Variants in ZCWPW2 observed in about 807,000 individuals in gnomAD.
The protein encoded by ZCWPW2 is zinc finger CW-type and PWWP domain containing 2, also known as zinc finger CW-type PWWP domain protein 2.
In ZCWPW2, 45 loss-of-function variants were observed where a neutral mutation model predicts 46.6. That is an observed-to-expected ratio of 0.96 (90% CI 0.76 to 1.24). The LOEUF is 1.24. Among genes scored for constraint, ZCWPW2 ranks in the 50% most tolerant of loss-of-function variants. The pLI is 0.00. For synonymous variants in ZCWPW2, 152 were observed against 137.1 expected (o/e 1.11, Z -0.76); for missense variants, 429 against 403.9 (o/e 1.06, Z -0.53).
At chr3:28,383,490 A>G (rs959917476) in intron 1 of ZCWPW2, among the ~76,000 whole-genome samples, 11 of 152,086 alleles carry the variant, frequency 7.2e-5, no homozygotes, top group African/African-American at 1.4e-4. Flanking sequence ...TATGGATTCA[A>G]TTAGCCTTTA....
intron 9 of ZCWPW2, among the ~76,000 whole-genome samples, chr3:28,522,444 G>C (rs911519196): frequency 6.6e-6 from 1 of 152,150 alleles, no homozygotes; most frequent in Non-Finnish European, 1.5e-5. Context: ...CTCGAAGTCT[G>C]TCTGTTCCTA....
chr3:28,389,397 T>C (rs1251150557), intron 1 of ZCWPW2, among the ~76,000 whole-genome samples: 3 of 152,152 alleles, frequency 2.0e-5, no homozygotes, highest in Non-Finnish European at 4.4e-5. Context: ...TTATACTCAT[T>C]AGTTTGACAA....
rs866440855 is a variant in ZCWPW2 at position 28,410,603 on chromosome 3, C to T, written c.-13-2453C>T. Among the ~76,000 whole-genome samples the T allele has an allele frequency of 9.9e-5, 15 of 151,526 alleles. 1 individual carries two copies. In the Middle Eastern group the frequency reaches 0.017, roughly 175 times the overall value. On this transcript the variant is annotated intron_variant, in intron 2 of 9. Transcript: ENST00000383768. ...TCTGAATTTTTTAAATTAAGTAACT[C>T]GGGTAAAAGATGAATAGAAACCTTG...
Position 28,431,177 on chromosome 3 carries a change from A to G in ZCWPW2, c.333-3933A>G, listed in dbSNP as rs182856426. 2.0e-5 allele frequency among the ~76,000 whole-genome samples: 3 copies of G among 152,186 alleles called. No homozygotes were observed. The East Asian group carries it at 5.8e-4, about 29-fold the overall frequency. On this transcript the variant is annotated intron_variant, in intron 3 of 9. Transcript: ENST00000383768. ...CTTTCTTTAGATTTTAAAATTATCTAAACAATTTAGTTTACAAATAGTTAC... is the reference window on the plus strand; with the variant it reads ...CTTTCTTTAGATTTTAAAATTATCTGAACAATTTAGTTTACAAATAGTTAC...
At chr3:28,385,972 G>T (rs1695258350) in intron 1 of ZCWPW2, among the ~76,000 whole-genome samples, 1 of 148,328 alleles carries the variant, frequency 6.7e-6, no homozygotes. Flanking sequence ...GTATCCTTTA[G>T]CAACTTTAAA....
chr3:28,437,572 C>T (rs960809077), intron 4 of ZCWPW2, among the ~76,000 whole-genome samples: 3 of 152,020 alleles, frequency 2.0e-5, no homozygotes, highest in Admixed American at 6.5e-5. Flanking sequence ...AGACCTCTGA[C>T]TTAATTAATT....
intron 2 of ZCWPW2, among the ~76,000 whole-genome samples, chr3:28,392,491 A>G (rs765882804): frequency 6.6e-6 from 1 of 152,180 alleles, no homozygotes; most frequent in Admixed American, 6.5e-5. Context: ...AGAACATTCT[A>G]TCCAACAGTA....
intron 8 of ZCWPW2, among the ~76,000 whole-genome samples, 192 bp downstream of exon 8, chr3:28,515,813 A>G (rs77883278): frequency 0.027 from 4,169 of 152,050 alleles, 184 homozygotes; most frequent in African/African-American, 0.093. Context: ...GTGTGTATAT[A>G]TACACATATA....
intron 1 of ZCWPW2, among the ~76,000 whole-genome samples, chr3:28,358,877 C>A (rs759818898): frequency 7.2e-5 from 11 of 151,870 alleles, no homozygotes; most frequent in Non-Finnish European, 1.5e-4. Context: ...TTCAAATTTT[C>A]TGTTTGAAAA....
chr3:28,487,346 T>C (rs1327011104), intron 5 of ZCWPW2, among the ~76,000 whole-genome samples: 2 of 152,162 alleles, frequency 1.3e-5, no homozygotes, highest in Admixed American at 6.5e-5. Flanking sequence ...TTTATTGATA[T>C]ATCCTGAAGC....
intron 4 of ZCWPW2, among the ~76,000 whole-genome samples, chr3:28,440,531 C>A (rs568862110): frequency 2.0e-4 from 30 of 152,286 alleles, no homozygotes; most frequent in Admixed American, 1.8e-3. Flanking sequence ...ATGCAGCCTT[C>A]TGGAGAACTT....
At chr3:28,516,730 G>C (rs1442393634) in intron 8 of ZCWPW2, among the ~76,000 whole-genome samples, 8 of 152,114 alleles carry the variant, frequency 5.3e-5, no homozygotes. Context: ...AGGAAAGCCA[G>C]GTGCAGTGGC....
At chr3:28,508,610 C>T (rs750475975) in intron 6 of ZCWPW2, among the ~76,000 whole-genome samples, 9 of 152,090 alleles carry the variant, frequency 5.9e-5, no homozygotes, top group Non-Finnish European at 7.4e-5. Flanking sequence ...CTACACCTCC[C>T]GGGTTCAAGC....
intron 4 of ZCWPW2, among the ~76,000 whole-genome samples, chr3:28,472,268 A>T (rs561252249): frequency 6.6e-6 from 1 of 152,322 alleles, no homozygotes; most frequent in South Asian, 2.1e-4. Context: ...GAATAGCCAA[A>T]GCTATCCTAA....
chr3:28,510,324 T>C (rs556935324), intron 6 of ZCWPW2, among the ~76,000 whole-genome samples: 1 of 152,300 alleles, frequency 6.6e-6, no homozygotes, highest in African/African-American at 2.4e-5. Flanking sequence ...TTGGCTGAAC[T>C]TTGTGACTTA....
At chr3:28,359,500 A>C (rs528999422) in intron 1 of ZCWPW2, among the ~76,000 whole-genome samples, 1 of 152,220 alleles carries the variant, frequency 6.6e-6, no homozygotes, top group African/African-American at 2.4e-5. Flanking sequence ...TAATAGCTTG[A>C]GTTGAAGAAA....
At chr3:28,478,762 CAA>C in intron 4 of ZCWPW2, 50 bp from the exon 5 acceptor site, 3 of 969,842 alleles carry the variant, frequency 3.1e-6, no homozygotes, top group South Asian at 5.2e-5. Flanking sequence ...GATTTTAAAA[CAA>C]AGTTATATAT....
chr3:28,501,760 A>G (rs1024280231), intron 6 of ZCWPW2, among the ~76,000 whole-genome samples: 3 of 151,940 alleles, frequency 2.0e-5, no homozygotes, highest in Non-Finnish European at 4.4e-5. Context: ...TACAAAGTTC[A>G]TTTTTCTTTT....
chr3:28,384,596 G>A (rs1423227295), intron 1 of ZCWPW2, among the ~76,000 whole-genome samples: 7 of 150,004 alleles, frequency 4.7e-5, no homozygotes, highest in Non-Finnish European at 1.0e-4. Flanking sequence ...ACACATTCAA[G>A]TTGACCAATC....
Sources: gnomAD v4.1 joint callset for allele counts (sites outside exome capture counted in the v4.1 genomes callset) on GRCh38, gnomAD v4.1.1 for gene constraint, MANE v1.5 for transcripts, NCBI Gene and HGNC (gene_info 2026-07-23, HGNC 2026-07-21) for gene names.